EFHC1: variants seen among roughly 807,000 people sequenced by gnomAD.
The protein encoded by EFHC1 is EF-hand domain-containing protein 1.
EFHC1 carries 53 observed loss-of-function variants against 69.9 expected under a neutral mutation model. The observed-to-expected ratio is 0.76, with a 90% confidence interval of 0.61 to 0.95. EFHC1 has a LOEUF of 0.95. Ranked by LOEUF, EFHC1 falls within the 40% of genes least tolerant of loss-of-function variation. EFHC1 has a pLI of 0.00. For missense variants in EFHC1, 739 were observed against 798.7 expected (o/e 0.93, Z 0.90); for synonymous variants, 256 against 278.4 (o/e 0.92, Z 0.80).
At chr6:52,436,901 C>T (rs778612882) in intron 2 of EFHC1, among the ~76,000 whole-genome samples, 1 of 152,172 alleles carries the variant, frequency 6.6e-6, no homozygotes, top group African/African-American at 2.4e-5. Flanking sequence ...CTTGGCCTCC[C>T]GGTGTGCTGG....
chr6:52,486,008 A>G (rs1765778664), intron 9 of EFHC1: 1 of 152,150 alleles, frequency 6.6e-6, no homozygotes. Flanking sequence ...AGACGATACA[A>G]ATCCACTGTC....
chr6:52,493,629 C>T lies in EFHC1; in HGVS notation c.*1288C>T, dbSNP rs1467501559. 6.6e-6 allele frequency: 3 copies of T among 452,050 alleles called. No individual in the cohort carries two copies. The highest frequency in any genetic ancestry group is 1.3e-5 in the Non-Finnish European group (3 of 226,428). The allele number at this position is 452,050 out of a possible 1,614,324, so 28.0% of individuals were successfully genotyped here. A position where few individuals can be genotyped will look rare whatever the true frequency, so the allele number is the denominator to read the frequency against. ...ACCACGCCACTGCACTCCATCCAGC[C>T]TGGGTGACAGAGCAAGACTCCATCT... On this transcript the variant is annotated 3_prime_UTR_variant, in exon 11 of 11. Transcript: ENST00000371068.
chr6:52,491,005 A>G (rs572807128), intron 10 of EFHC1: 2 of 152,504 alleles, frequency 1.3e-5, no homozygotes, highest in South Asian at 4.1e-4. Context: ...GATTAAAAAT[A>G]TTGAGATTCT....
In EFHC1 at chr6:52,496,805, A is replaced by AAAC. The variant is rs1766074712; in HGVS notation, c.*4466_*4468dup. 1 of 152,222 alleles carries AAAC rather than the reference A, an allele frequency of 6.6e-6. No homozygotes were observed. The highest frequency in any genetic ancestry group is 6.5e-5 in the Admixed American group (1 of 15,268). The allele number at this position is 152,222 out of a possible 1,614,324, so 9.4% of individuals were successfully genotyped here. On this transcript the variant is annotated 3_prime_UTR_variant, in exon 11 of 11. Coordinates refer to ENST00000371068, the MANE Select transcript of EFHC1 (RefSeq NM_018100.4). ...AGAACCACTCACCTTCACCTCAAGC[A>AAAC]AACATTTCCTCTTTCTCACACCCCA...
chr6:52,442,938 C>T (rs964075889), intron 3 of EFHC1, among the ~76,000 whole-genome samples: 2 of 152,124 alleles, frequency 1.3e-5, no homozygotes, highest in African/African-American at 4.8e-5. Flanking sequence ...CCTATTTCTC[C>T]ACATCCTCTC....
At chr6:52,439,502 A>AGT (rs1201799380) in intron 3 of EFHC1, among the ~76,000 whole-genome samples, 3 of 152,204 alleles carry the variant, frequency 2.0e-5, no homozygotes, top group Admixed American at 1.3e-4. Flanking sequence ...ACAAGCTAAT[A>AGT]GTGCACCATT....
chr6:52,445,619 T>C (rs1419209086), intron 3 of EFHC1, among the ~76,000 whole-genome samples: 1 of 152,194 alleles, frequency 6.6e-6, no homozygotes, highest in Non-Finnish European at 1.5e-5. Flanking sequence ...ATGTGTTTGC[T>C]CTTGCTTCTC....
chr6:52,420,627 C>A (rs79705106), intron 1 of EFHC1, among the ~76,000 whole-genome samples, 154 bp downstream of exon 1: 404 of 152,294 alleles, frequency 2.7e-3, no homozygotes, highest in Non-Finnish European at 4.5e-3. Flanking sequence ...CTGGGCCGAA[C>A]TTCTGCCGTT....
intron 3 of EFHC1, among the ~76,000 whole-genome samples, chr6:52,449,160 G>A (rs1275695148): frequency 6.6e-6 from 1 of 152,094 alleles, no homozygotes; most frequent in Non-Finnish European, 1.5e-5. Context: ...GAGGCGGGTG[G>A]ATCATGAGGT....
chr6:52,479,282 T>C, intron 8 of EFHC1, 32 bp downstream of exon 8: 1 of 1,609,906 alleles, frequency 6.2e-7, no homozygotes, highest in South Asian at 1.1e-5. Context: ...AATTTCCTAC[T>C]GGCTGCCTGA....
At chr6:52,426,094 C>T (rs1378255698) in intron 2 of EFHC1, among the ~76,000 whole-genome samples, 3 of 152,196 alleles carry the variant, frequency 2.0e-5, no homozygotes, top group Non-Finnish European at 4.4e-5. Flanking sequence ...CTAGTGACTG[C>T]TTCTCTAGCT....
intron 3 of EFHC1, among the ~76,000 whole-genome samples, chr6:52,444,375 A>G (rs1484149043): frequency 6.6e-6 from 1 of 152,182 alleles, no homozygotes; most frequent in Non-Finnish European, 1.5e-5. Context: ...CCAGTTTTCA[A>G]AGGGAATGCT....
chr6:52,436,401 C>G (rs908510991), intron 2 of EFHC1, among the ~76,000 whole-genome samples: 2 of 151,768 alleles, frequency 1.3e-5, no homozygotes, highest in Non-Finnish European at 2.9e-5. Flanking sequence ...GCAACAGTGT[C>G]CGTGTATAGA....
At chr6:52,420,967 A>T in intron 1 of EFHC1, 1 of 1,027,742 alleles carries the variant, frequency 9.7e-7, no homozygotes, top group Non-Finnish European at 1.2e-6. Flanking sequence ...TTCCCGCCCC[A>T]CCTCTTCCTC....
At chr6:52,422,030 G>A (rs997805333) in intron 1 of EFHC1, among the ~76,000 whole-genome samples, 1 of 152,188 alleles carries the variant, frequency 6.6e-6, no homozygotes, top group Admixed American at 6.5e-5. Flanking sequence ...AATTTGAAAA[G>A]CATCGTCAGT....
chr6:52,438,619 G>T, intron 3 of EFHC1, 28 bp downstream of exon 3: 1 of 1,610,822 alleles, frequency 6.2e-7, no homozygotes, highest in South Asian at 1.1e-5. Flanking sequence ...GAAAGTTGTG[G>T]GGTCTGAGGC....
rs575496813 is a variant in EFHC1, at chr6:52,427,930, G to A, written c.285+3763G>A. Among the ~76,000 whole-genome samples the A allele has an allele frequency of 1.5e-4, 23 of 151,978 alleles. 2 individuals carry two copies. In the South Asian group the frequency reaches 4.8e-3, roughly 32 times the overall value. ...ATTGTGGCATTCTGAGCACTTCCTG[G>A]GAGTTAGAAGACCTGGATTCTAATT... On this transcript the variant is annotated intron_variant, in intron 2 of 10. Transcript: ENST00000371068.
intron 7 of EFHC1, among the ~76,000 whole-genome samples, chr6:52,472,646 GATATGTA>G: frequency 7.7e-6 from 1 of 129,924 alleles, no homozygotes; most frequent in Admixed American, 8.3e-5. Flanking sequence ...TCATACAAGA[GATATGTA>G]ATATCTTTTA....
intron 5 of EFHC1, among the ~76,000 whole-genome samples, chr6:52,459,718 AG>A (rs138544933): frequency 0.037 from 5,605 of 152,276 alleles, 327 homozygotes; most frequent in African/African-American, 0.12. Context: ...TTTGTCGCCC[AG>A]GCTGGAGTGC....
Sources: gnomAD v4.1 joint callset for allele counts (sites outside exome capture counted in the v4.1 genomes callset) on GRCh38, gnomAD v4.1.1 for gene constraint, MANE v1.5 for transcripts, NCBI Gene and HGNC (gene_info 2026-07-23, HGNC 2026-07-21) for gene names.